Variants in DAPK1 observed in about 807,000 individuals in gnomAD.
DAPK1 encodes the protein death-associated protein kinase 1.
In DAPK1, 56 loss-of-function variants were observed where a neutral mutation model predicts 144.9. The observed-to-expected ratio is 0.39, with a 90% CI of 0.31 to 0.48. DAPK1 has a LOEUF of 0.48. DAPK1 is among the 20% of genes least tolerant of loss of function. The pLI is 0.95. For missense variants in DAPK1, 1,454 were observed against 1,875.4 expected (o/e 0.78, Z 4.15); for synonymous variants, 690 against 749.0 (o/e 0.92, Z 1.29).
At position 87,707,292 on chromosome 9, in the gene DAPK1, C is replaced by G; in HGVS notation, c.4221C>G (p.Gly1407=). The G allele has an allele frequency of 6.2e-7, 1 of 1,613,658 alleles. No individual in the cohort carries two copies. The highest frequency in any genetic ancestry group is 8.5e-7 in the Non-Finnish European group (1 of 1,179,712). The change falls in exon 26 of 26, where the codon GGC becomes GGG. Residue 1407 remains glycine, a synonymous_variant. Coordinates refer to ENST00000408954, the MANE Select transcript of DAPK1 (RefSeq NM_004938.4). This position sits in a 1 kb window ranked among gnomAD's most constrained non-coding sequence, Gnocchi z 4.0. The part of the protein sequence containing the change: ...SVFKINLDGN[G]QEAYASSCNS... ...TCAAAATCAACCTGGATGGCAATGG[C>G]CAGGAGGCCTATGCCTCGAGCTGCA...
intron 18 of DAPK1, chr9:87,667,872 T>G (rs1434320026): frequency 6.6e-6 from 1 of 152,132 alleles, no homozygotes; most frequent in Admixed American, 6.5e-5. Flanking sequence ...AGGGGTGACT[T>G]CAAGGACTGA....
At chr9:87,505,713 G>A (rs371620047) in intron 2 of DAPK1, among the ~76,000 whole-genome samples, 4 of 151,622 alleles carry the variant, frequency 2.6e-5, no homozygotes, top group Non-Finnish European at 5.9e-5. Context: ...TTTTGGAGAC[G>A]AAGTCTTGCT....
chr9:87,501,839 T>C (rs1824414487), intron 2 of DAPK1, among the ~76,000 whole-genome samples: 1 of 152,208 alleles, frequency 6.6e-6, no homozygotes, highest in Admixed American at 6.5e-5. Flanking sequence ...GCAGCAGTAA[T>C]AGAGCAGATG....
chr9:87,707,112 C>A lies in DAPK1; in HGVS notation c.4041C>A (p.Asn1347Lys), dbSNP rs55790757. Residue 1347 changes from asparagine to lysine, a missense_variant, in exon 26 of 26, where the codon AAC becomes AAA. Around this residue, in one of 2 missense-constraint regions of DAPK1, gnomAD observed 1,025 missense variants for 1,237.9 expected, o/e 0.83. Transcript: ENST00000408954. The surrounding 1 kb of genome is among the most constrained non-coding windows in gnomAD (Gnocchi z 4.0). ...TCGTGGCAAAGTACAACACCAGTAA[C>A]GGGGCTCCCAAGGATTTCCTCCCCA... is the stretch of plus-strand genomic sequence containing the variant. ...PDLVAKYNTS[N>K]GAPKDFLPSP... The A allele has an allele frequency of 3.1e-6, 5 of 1,613,934 alleles. No individual in the cohort carries two copies. Among genetic ancestry groups the A allele is most frequent in the Non-Finnish European group, 4.2e-6 (5 of 1,179,856 alleles).
intron 2 of DAPK1, among the ~76,000 whole-genome samples, chr9:87,597,157 C>G (rs979697618): frequency 6.6e-6 from 1 of 152,192 alleles, no homozygotes; most frequent in African/African-American, 2.4e-5. Context: ...CTGCCACATT[C>G]TGTGGGTTAG....
chr9:87,639,746 A>G (rs1207177456), intron 6 of DAPK1, 43 bp from the exon 7 acceptor site: 27 of 1,612,818 alleles, frequency 1.7e-5, no homozygotes, highest in Non-Finnish European at 2.2e-5. Flanking sequence ...TTATTTGACT[A>G]TTCTTCTGAC....
At chr9:87,586,824 C>T (rs1827954661) in intron 2 of DAPK1, among the ~76,000 whole-genome samples, 2 of 152,086 alleles carry the variant, frequency 1.3e-5, no homozygotes, top group Non-Finnish European at 2.9e-5. Flanking sequence ...GTTTGTTTAC[C>T]TATCTTATTA....
intron 2 of DAPK1, among the ~76,000 whole-genome samples, chr9:87,567,130 G>A (rs927732853): frequency 6.6e-6 from 1 of 152,192 alleles, no homozygotes; most frequent in Non-Finnish European, 1.5e-5. Flanking sequence ...TTCTCTTTCT[G>A]TTGGCACAGC....
intron 19 of DAPK1, among the ~76,000 whole-genome samples, chr9:87,671,983 T>C (rs1256345027): frequency 6.6e-6 from 1 of 152,222 alleles, no homozygotes; most frequent in African/African-American, 2.4e-5. Flanking sequence ...CGCCACGCTC[T>C]AGCTAGGTGA....
At chr9:87,498,311 G>A (rs1260792761) in intron 1 of DAPK1, among the ~76,000 whole-genome samples, 3 of 152,214 alleles carry the variant, frequency 2.0e-5, no homozygotes, top group Non-Finnish European at 4.4e-5. Flanking sequence ...AACAGGTGGC[G>A]CCGGCCCGAC....
chr9:87,686,519 C>G lies in DAPK1; in HGVS notation c.2225-32C>G, dbSNP rs777538991. The G allele has an allele frequency of 7.6e-6, 10 of 1,313,246 alleles. No homozygotes were observed. Among genetic ancestry groups the G allele is most frequent in the Admixed American group, 4.0e-5 (2 of 50,606 alleles). 81.3% of individuals were successfully genotyped at this position (1,313,246 alleles called of 1,614,324 possible). A position where few individuals can be genotyped will look rare whatever the true frequency, so the allele number is the denominator to read the frequency against. ...GGAGACAGGCACACGCTGCCCCCAT[C>G]GAGTACTCATGTGATCCTTTCCATC... On this transcript the variant is annotated intron_variant, in intron 20 of 25. Coordinates refer to ENST00000408954, the MANE Select transcript of DAPK1 (RefSeq NM_004938.4). The surrounding 1 kb of genome is among the most constrained non-coding windows in gnomAD (Gnocchi z 4.2).
At chr9:87,513,309 A>G (rs2118137122) in intron 2 of DAPK1, among the ~76,000 whole-genome samples, 1 of 152,372 alleles carries the variant, frequency 6.6e-6, no homozygotes, top group South Asian at 2.1e-4. Flanking sequence ...ACTTTTGCAC[A>G]ACCAACAGTA....
intron 2 of DAPK1, among the ~76,000 whole-genome samples, chr9:87,548,783 C>T (rs949361463): frequency 3.3e-5 from 5 of 152,034 alleles, no homozygotes; most frequent in East Asian, 1.9e-4. Context: ...GGTTCTCAGC[C>T]GAGTCTTCCT....
chr9:87,708,437 T>C lies in DAPK1; in HGVS notation c.*1073T>C, dbSNP rs1173679805. On this transcript the variant is annotated 3_prime_UTR_variant, in exon 26 of 26. Transcript: ENST00000408954. ...TTTTAAATTGTGATCGAGTTTTAAATTGATAGGAGGGAACATGTCCTAATT... is the reference window on the plus strand; with the variant it reads ...TTTTAAATTGTGATCGAGTTTTAAACTGATAGGAGGGAACATGTCCTAATT... 4 of 153,030 alleles carry C rather than the reference T, an allele frequency of 2.6e-5. No homozygotes were observed. The allele number at this position is 153,030 out of a possible 1,614,324, so 9.5% of individuals were successfully genotyped here. A position where few individuals can be genotyped will look rare whatever the true frequency, so the allele number is the denominator to read the frequency against.
intron 21 of DAPK1, among the ~76,000 whole-genome samples, chr9:87,696,485 G>A (rs1370060061): frequency 6.6e-6 from 1 of 152,174 alleles, no homozygotes; most frequent in Non-Finnish European, 1.5e-5. Context: ...AAGAAAAGCG[G>A]TTCATTTAGC....
intron 2 of DAPK1, among the ~76,000 whole-genome samples, chr9:87,509,603 G>A (rs1020371181): frequency 6.6e-6 from 1 of 152,252 alleles, no homozygotes; most frequent in Non-Finnish European, 1.5e-5. Context: ...TAGGTGATCC[G>A]CCCGCCTCGG....
intron 2 of DAPK1, among the ~76,000 whole-genome samples, chr9:87,502,526 C>A (rs1824441443): frequency 6.6e-6 from 1 of 152,206 alleles, no homozygotes; most frequent in Non-Finnish European, 1.5e-5. Context: ...TTGTCGGGCT[C>A]TAGTTACACC....
intron 2 of DAPK1, among the ~76,000 whole-genome samples, chr9:87,526,830 C>A (rs990256610): frequency 6.6e-6 from 1 of 152,164 alleles, no homozygotes; most frequent in African/African-American, 2.4e-5. Context: ...CTCTGGTGAA[C>A]AACATACCTT....
chr9:87,536,877 T>G (rs1216453413), intron 2 of DAPK1, among the ~76,000 whole-genome samples: 1 of 152,196 alleles, frequency 6.6e-6, no homozygotes, highest in Non-Finnish European at 1.5e-5. Context: ...AACCTGATTA[T>G]TTTATATTTT....
Sources: allele counts gnomAD v4.1 joint callset (sites outside exome capture counted in the v4.1 genomes callset), GRCh38; gene constraint gnomAD v4.1.1; regional missense constraint gnomAD v4.1.1; non-coding constraint Gnocchi (gnomAD v3.1); transcripts MANE v1.5; gene names NCBI Gene and HGNC (gene_info 2026-07-23, HGNC 2026-07-21).